Variants in CPNE4 observed in about 807,000 individuals in gnomAD.
CPNE4 encodes copine-4.
Under a neutral mutation model 67.9 loss-of-function variants are expected in CPNE4, and 25 were observed. The observed-to-expected ratio is 0.37, with a 90% CI of 0.27 to 0.51. CPNE4 has a LOEUF of 0.51. Ranked by LOEUF, CPNE4 falls within the 20% of genes least tolerant of loss-of-function variation. The pLI is 0.93. For missense variants in CPNE4, 464 were observed against 690.8 expected (o/e 0.67, Z 3.68); for synonymous variants, 242 against 244.9 (o/e 0.99, Z 0.11).
intron 9 of CPNE4, among the ~76,000 whole-genome samples, chr3:131,580,847 T>C (rs1937779819): frequency 6.6e-6 from 1 of 152,148 alleles, no homozygotes; most frequent in Non-Finnish European, 1.5e-5. Context: ...GTTTTTATGG[T>C]ACGCTTTCAG....
At chr3:131,986,188 G>T (rs952776438) in intron 1 of CPNE4, among the ~76,000 whole-genome samples, 4 of 152,114 alleles carry the variant, frequency 2.6e-5, no homozygotes, top group Non-Finnish European at 4.4e-5. Context: ...ACCTATAGGG[G>T]GTGTGTAATG....
chr3:131,702,778 ACTTATCTAGAAATACCAATGTTC>A (rs2081333201), intron 3 of CPNE4, among the ~76,000 whole-genome samples: 1 of 152,168 alleles, frequency 6.6e-6, no homozygotes, highest in Non-Finnish European at 1.5e-5. Flanking sequence ...CTCACTCTTA[ACTTATCTAGAAATACCAATGTTC>A]CATTTGCAGG....
chr3:131,835,958 G>A (rs1264568262), intron 2 of CPNE4, among the ~76,000 whole-genome samples: 1 of 152,162 alleles, frequency 6.6e-6, no homozygotes, highest in Non-Finnish European at 1.5e-5. Context: ...AGAAGAGAGA[G>A]GTAGGAAAGG....
intron 3 of CPNE4, among the ~76,000 whole-genome samples, chr3:131,704,766 C>A (rs2081378892): frequency 6.6e-6 from 1 of 152,142 alleles, no homozygotes; most frequent in Non-Finnish European, 1.5e-5. Context: ...TTAACTCTTT[C>A]TTGTCTCCAA....
intron 2 of CPNE4, among the ~76,000 whole-genome samples, chr3:131,765,182 G>C (rs1301814702): frequency 6.6e-6 from 1 of 152,058 alleles, no homozygotes; most frequent in Non-Finnish European, 1.5e-5. Flanking sequence ...TCCTGTTTGG[G>C]AACTCATAAG....
intron 2 of CPNE4, among the ~76,000 whole-genome samples, chr3:131,780,464 T>C (rs2083403945): frequency 6.6e-6 from 1 of 152,086 alleles, no homozygotes; most frequent in South Asian, 2.1e-4. Context: ...AAAGAAAATA[T>C]GGTACATACA....
chr3:131,715,222 A>C (rs773622051), intron 3 of CPNE4, among the ~76,000 whole-genome samples: 3 of 152,184 alleles, frequency 2.0e-5, no homozygotes, highest in Non-Finnish European at 4.4e-5. Flanking sequence ...CCATTTTTTA[A>C]GAAGCCATAT....
At chr3:131,544,212 C>G (rs914941636) in intron 14 of CPNE4, among the ~76,000 whole-genome samples, 5 of 152,148 alleles carry the variant, frequency 3.3e-5, no homozygotes, top group Admixed American at 3.3e-4. Flanking sequence ...GAGATTAAGC[C>G]ATTCCACGTT....
chr3:131,542,355 A>G (rs1055554136), intron 15 of CPNE4, among the ~76,000 whole-genome samples: 4 of 152,082 alleles, frequency 2.6e-5, no homozygotes, highest in African/African-American at 9.7e-5. Flanking sequence ...GTCATGCTCT[A>G]TATATCCTTG....
chr3:131,955,410 G>GTTTTTTTTTTTGTTTTTTTTTTGTTTTTT (rs2071920229), intron 1 of CPNE4, among the ~76,000 whole-genome samples: 12 of 42,272 alleles, frequency 2.8e-4, no homozygotes, highest in African/African-American at 1.0e-3. Context: ...TGTATGTAAG[G>GTTTTTTTTTTTGTTTTTTTTTTGTTTTTT]TTTTTTTTTT....
rs568574141 is a variant in CPNE4, at chr3:131,679,268, A to T, written c.591+6607T>A. ...TGGTTGTTTGTAGTTCTGTGGGGTC[A>T]GTGGTAATATCCCTCTTATTATCTC... On this transcript the variant is annotated intron_variant, in intron 6 of 15. Coordinates refer to ENST00000429747, the MANE Select transcript of CPNE4 (RefSeq NM_130808.3). Among the ~76,000 whole-genome samples the T allele has an allele frequency of 5.3e-5, 8 of 152,038 alleles. No individual in the cohort carries two copies. The East Asian group carries it at 1.4e-3, about 26-fold the overall frequency.
At chr3:131,929,288 A>G (rs576490885) in intron 1 of CPNE4, among the ~76,000 whole-genome samples, 15 of 151,498 alleles carry the variant, frequency 9.9e-5, no homozygotes, top group African/African-American at 3.6e-4. Context: ...TCATTCATTC[A>G]TGCCAGATAA....
intron 2 of CPNE4, among the ~76,000 whole-genome samples, chr3:131,884,540 T>C (rs2054323): frequency 0.29 from 43,836 of 151,944 alleles, 7,394 homozygotes; most frequent in Non-Finnish European, 0.37. Context: ...GAAGTCAGAG[T>C]GTTTCAGAGA....
intron 15 of CPNE4, among the ~76,000 whole-genome samples, chr3:131,542,326 T>C (rs928485721): frequency 6.6e-6 from 1 of 152,094 alleles, no homozygotes; most frequent in Non-Finnish European, 1.5e-5. Flanking sequence ...ACTCAATTTA[T>C]AATTTTTTTC....
At chr3:131,870,951 C>T (rs559175969) in intron 2 of CPNE4, among the ~76,000 whole-genome samples, 1 of 152,158 alleles carries the variant, frequency 6.6e-6, no homozygotes, top group East Asian at 1.9e-4. Flanking sequence ...GAACATCCTC[C>T]ATGAAGAGGT....
chr3:131,952,669 C>T lies in CPNE4; in HGVS notation c.-1-47225G>A, dbSNP rs1446152576. Among the ~76,000 whole-genome samples, 39 of 150,262 alleles carry T rather than the reference C, an allele frequency of 2.6e-4. No homozygotes were observed. The East Asian group carries it at 7.6e-3, about 29-fold the overall frequency. ...GCCGCCCCGTCTGGGAGGTGAGGGGCGCCTCTGCCCGGCCGCCCCTACTGG... is the reference window on the plus strand; with the variant it reads ...GCCGCCCCGTCTGGGAGGTGAGGGGTGCCTCTGCCCGGCCGCCCCTACTGG... On this transcript the variant is annotated intron_variant, in intron 1 of 15. Coordinates refer to ENST00000429747, the MANE Select transcript of CPNE4 (RefSeq NM_130808.3).
intron 1 of CPNE4, among the ~76,000 whole-genome samples, chr3:131,953,252 A>AAAT (rs1560669291): frequency 2.1e-5 from 3 of 143,946 alleles, no homozygotes; most frequent in Non-Finnish European, 3.1e-5. Flanking sequence ...AAAAAAAAAA[A>AAAT]AAAAAAAAAA....
At chr3:131,718,139 C>T (rs1344314293) in intron 3 of CPNE4, among the ~76,000 whole-genome samples, 13 of 151,770 alleles carry the variant, frequency 8.6e-5, no homozygotes, top group Admixed American at 1.3e-4. Flanking sequence ...GAATTACAGG[C>T]GCCTGCCACC....
intron 2 of CPNE4, among the ~76,000 whole-genome samples, chr3:131,904,269 G>T (rs1035498529): frequency 6.6e-6 from 1 of 152,132 alleles, no homozygotes; most frequent in East Asian, 1.9e-4. Flanking sequence ...CCCCCAGCCC[G>T]TTCCTCCTAT....
Sources: allele counts gnomAD v4.1 joint callset (sites outside exome capture counted in the v4.1 genomes callset), GRCh38; gene constraint gnomAD v4.1.1; transcripts MANE v1.5; gene names NCBI Gene and HGNC (gene_info 2026-07-23, HGNC 2026-07-21).